The following SLC10A6 variants were observed in gnomAD, a reference collection of about 807,000 sequenced individuals.
The protein encoded by SLC10A6 is sodium-dependent organic anion transporter.
A neutral mutation model predicts 30.0 loss-of-function variants in SLC10A6; 27 were observed. The ratio of observed to expected loss-of-function variants is 0.90; its 90% CI spans 0.66 to 1.24. The LOEUF is 1.24. Ranked by LOEUF, SLC10A6 falls within the 50% of genes most tolerant of loss-of-function variation. The pLI is 0.00. For synonymous variants in SLC10A6, 166 were observed against 173.8 expected (o/e 0.95, Z 0.36); for missense variants, 439 against 457.0 (o/e 0.96, Z 0.36).
At chr4:86,847,829 A>G (rs746485374) in intron 1 of SLC10A6, among the ~76,000 whole-genome samples, 2 of 152,238 alleles carry the variant, frequency 1.3e-5, no homozygotes, top group African/African-American at 4.8e-5. Context: ...ACTTAAATTT[A>G]TAAGCAGTTC....
At chr4:86,844,461 C>T (rs1240921065) in intron 1 of SLC10A6, among the ~76,000 whole-genome samples, 1 of 152,176 alleles carries the variant, frequency 6.6e-6, no homozygotes. Flanking sequence ...AAGTTCAGCC[C>T]ATCAAGAGGC....
Position 86,848,935 on chromosome 4 carries a change from G to C in SLC10A6, c.181C>G (p.His61Asp), listed in dbSNP as rs1309790000. 6.2e-7 allele frequency: 1 copy of C among 1,613,858 alleles called. No individual in the cohort carries two copies. Among genetic ancestry groups the C allele is most frequent in the Non-Finnish European group, 8.5e-7 (1 of 1,179,982 alleles). ...GCAATGCCCCAGGGTCTCCTGATGT[G>C]CGACCACAGCTTCCGGATCTCCACG... ...CSVEIRKLWS[H>D]IRRPWGIAVG... The change falls in exon 1 of 6, where the codon CAC becomes GAC. Residue 61 changes from histidine to aspartate, a missense_variant. By Grantham distance (81) the His-to-Asp change is moderately conservative. Transcript: ENST00000273905.
intron 1 of SLC10A6, among the ~76,000 whole-genome samples, chr4:86,838,206 T>G (rs1162655767): frequency 6.6e-6 from 1 of 152,186 alleles, no homozygotes; most frequent in Non-Finnish European, 1.5e-5. Flanking sequence ...TCTAGGAAAA[T>G]TAGCGATCCT....
intron 1 of SLC10A6, chr4:86,837,604 A>G: frequency 1.0e-6 from 1 of 985,384 alleles, no homozygotes; most frequent in Non-Finnish European, 1.2e-6. Flanking sequence ...TCCCAAATCT[A>G]TTCTTTCCAT....
chr4:86,837,290 A>AAAGGAAGG (rs70953609), intron 1 of SLC10A6, among the ~76,000 whole-genome samples: 2,383 of 62,466 alleles, frequency 0.038, 234 homozygotes, highest in Non-Finnish European at 0.054. Flanking sequence ...AAAGAAAAAG[A>AAAGGAAGG]AAGGAAGGAA....
At chr4:86,839,544 A>G (rs886554114) in intron 1 of SLC10A6, among the ~76,000 whole-genome samples, 9 of 152,198 alleles carry the variant, frequency 5.9e-5, no homozygotes, top group Non-Finnish European at 8.8e-5. Flanking sequence ...CTCTCAGACC[A>G]ATACATTTAA....
intron 2 of SLC10A6, 144 bp from the exon 3 acceptor site, chr4:86,832,024 A>G: frequency 1.5e-6 from 1 of 676,390 alleles, no homozygotes; most frequent in Non-Finnish European, 2.6e-6. Context: ...AATGCCTACA[A>G]TATTGGCTCC....
chr4:86,826,479 G>T (rs1252673245), intron 4 of SLC10A6, among the ~76,000 whole-genome samples: 1 of 151,976 alleles, frequency 6.6e-6, no homozygotes, highest in Non-Finnish European at 1.5e-5. Flanking sequence ...TACTCGGGAG[G>T]CTGAGGCACG....
chr4:86,823,901 T>C lies in SLC10A6; in HGVS notation c.921A>G (p.Ala307=), dbSNP rs1264969237. ...QLIDGFLIVA[A]YQTYKRRLKN... ...TCAATCTCCTCTTGTACGTCTGATA[T>C]GCTAGGTGTTAAAACATACAAGTAT... is the stretch of plus-strand genomic sequence containing the variant. Residue 307 remains alanine, a splice_region_variant and synonymous_variant, in exon 6 of 6, where the codon GCA becomes GCG. Transcript: ENST00000273905. The C allele has an allele frequency of 6.2e-7, 1 of 1,603,616 alleles. No homozygotes were observed. Among genetic ancestry groups the C allele is most frequent in the Non-Finnish European group, 8.5e-7 (1 of 1,174,598 alleles).
intron 4 of SLC10A6, among the ~76,000 whole-genome samples, chr4:86,827,035 T>C (rs1746010759): frequency 6.6e-6 from 1 of 152,166 alleles, no homozygotes. Flanking sequence ...CTCACTTCTT[T>C]GAGACTTTTG....
intron 1 of SLC10A6, among the ~76,000 whole-genome samples, chr4:86,837,164 C>A (rs1406404515): frequency 1.4e-5 from 2 of 145,910 alleles, no homozygotes; most frequent in Admixed American, 1.4e-4. Context: ...CTCCTTTGCT[C>A]TAAACCAGGG....
In SLC10A6 at chr4:86,828,223, T is replaced by G. The variant is rs1746029228; in HGVS notation, c.586-55A>C. On this transcript the variant is annotated intron_variant, in intron 3 of 5. Transcript: ENST00000273905. Reference sequence around the variant, plus strand: ...AAACTCAGGGTTTTTTGCTCTATGATACAAAGTCCATCAAGGTTGTAAAAT... The same window carrying G: ...AAACTCAGGGTTTTTTGCTCTATGAGACAAAGTCCATCAAGGTTGTAAAAT... 6.4e-6 allele frequency: 10 copies of G among 1,555,602 alleles called. No individual in the cohort carries two copies. The Admixed American group carries it at 2.0e-4, about 31-fold the overall frequency.
chr4:86,837,324 A>AGTAG (rs1746216433), intron 1 of SLC10A6, among the ~76,000 whole-genome samples: 6 of 148,440 alleles, frequency 4.0e-5, no homozygotes, highest in Admixed American at 2.0e-4. Context: ...GAAGGAAGGA[A>AGTAG]GGAAGGAAGG....
chr4:86,843,480 A>C (rs976949690), intron 1 of SLC10A6, among the ~76,000 whole-genome samples: 14 of 152,174 alleles, frequency 9.2e-5, no homozygotes. Flanking sequence ...TTTGGACTTC[A>C]TATTTTGCTT....
rs140551884 is a variant in SLC10A6, at chr4:86,831,806, T to C, written c.571A>G (p.Lys191Glu). Reference sequence around the variant, plus strand: ...AAGTCACTCACCTTGAGAATGATTTTGGATTGTTTTGGCCATCTGTAATTC... The same window carrying C: ...AAGTCACTCACCTTGAGAATGATTTCGGATTGTTTTGGCCATCTGTAATTC... ...YVNYRWPKQS[K>E]IILKIGAVVG... Residue 191 changes from lysine to glutamate, a missense_variant, in exon 3 of 6, where the codon AAA becomes GAA. Physicochemically the swap from Lys to Glu is moderately conservative, Grantham distance 56. Coordinates refer to ENST00000273905, the MANE Select transcript of SLC10A6 (RefSeq NM_197965.3). 6.2e-7 allele frequency: 1 copy of C among 1,612,980 alleles called. No homozygotes were observed. The highest frequency in any genetic ancestry group is 2.2e-5 in the East Asian group (1 of 44,766).
At position 86,848,726 on chromosome 4, in the gene SLC10A6, T is replaced by C; in HGVS notation, c.377+13A>G. 1 of 1,563,820 alleles carries C rather than the reference T, an allele frequency of 6.4e-7. No homozygotes were observed. On this transcript the variant is annotated intron_variant, in intron 1 of 5. Coordinates refer to ENST00000273905, the MANE Select transcript of SLC10A6 (RefSeq NM_197965.3). ...TAAGAGACAGACTGCTGAGCTTCCC[T>C]GGGGTTACTTACCTGAGATCCATAT...
At chr4:86,837,673 G>A in intron 1 of SLC10A6, 1 of 969,900 alleles carries the variant, frequency 1.0e-6, no homozygotes, top group Non-Finnish European at 1.2e-6. Context: ...CTGAGTGATA[G>A]AACCAGTGAA....
chr4:86,825,777 C>A (rs553741607), intron 4 of SLC10A6, among the ~76,000 whole-genome samples, 200 bp from the exon 5 acceptor site: 3 of 152,296 alleles, frequency 2.0e-5, no homozygotes, highest in Admixed American at 1.3e-4. Flanking sequence ...GCAAACCCTG[C>A]CCTAGGCATC....
intron 1 of SLC10A6, 86 bp downstream of exon 1, chr4:86,848,653 T>G (rs1181159473): frequency 3.2e-5 from 46 of 1,433,774 alleles, no homozygotes; most frequent in Non-Finnish European, 4.1e-5. Flanking sequence ...ACCAAAAGAT[T>G]AGAAGAGTGT....
Sources: gnomAD v4.1 joint callset for allele counts (sites outside exome capture counted in the v4.1 genomes callset) on GRCh38, gnomAD v4.1.1 for gene constraint, MANE v1.5 for transcripts, NCBI Gene and HGNC (gene_info 2026-07-23, HGNC 2026-07-21) for gene names.